The following CHIC1 variants were observed in gnomAD, a reference collection of about 807,000 sequenced individuals.
CHIC1 encodes the protein cysteine-rich hydrophobic domain-containing protein 1.
In CHIC1, 7 loss-of-function variants were observed where a neutral mutation model predicts 18.5. The ratio of observed to expected loss-of-function variants is 0.38; its 90% CI spans 0.22 to 0.71. The LOEUF (loss-of-function observed/expected upper bound fraction) is 0.71, where lower values mean the gene tolerates loss of function less well. Ranked by LOEUF, CHIC1 falls within the 30% of genes least tolerant of loss-of-function variation. The probability of loss-of-function intolerance (pLI) is 0.49; values close to 1 mark genes in which losing one functional copy is unlikely to be tolerated. For missense variants in CHIC1, 159 were observed against 176.9 expected (o/e 0.90, Z 0.57); for synonymous variants, 77 against 73.5 (o/e 1.05, Z -0.25).
rs1603338868 is a variant in CHIC1 at position 73,563,406 on chromosome X, C to A, written c.122C>A (p.Pro41His). ...TCGTCGTCGTCGTCGGTATCTGGGC[C>A]CGACGATGACGAGGAGGATGAGGAG... ...SPSSSSSVSGPDDDEEDEEEE... is the reference protein window; with the variant it reads ...SPSSSSSVSGHDDDEEDEEEE... Residue 41 changes from proline (P) to histidine (H), a missense_variant, in exon 1 of 6, where the codon CCC becomes CAC. Pro to His is a moderately conservative substitution (Grantham distance 77). Transcript: ENST00000373502. 1 of 1,156,457 alleles carries A rather than the reference C, an allele frequency of 8.6e-7. No homozygotes were observed. Among genetic ancestry groups the A allele is most frequent in the Middle Eastern group, 2.4e-4 (1 of 4,236 alleles).
chrX:73,572,511 T>G (rs767083026), intron 1 of CHIC1, among the ~76,000 whole-genome samples: 12 of 111,560 alleles, frequency 1.1e-4, no homozygotes, highest in Non-Finnish European at 2.1e-4. Context: ...ATTGTAGTTC[T>G]GTTTTTGATT....
At chrX:73,594,999 T>G (rs2057600102) in intron 3 of CHIC1, among the ~76,000 whole-genome samples, 1 of 111,693 alleles carries the variant, frequency 9.0e-6, no homozygotes, top group Non-Finnish European at 1.9e-5. Context: ...TCCACTTATT[T>G]ATTGATGGAC....
intron 3 of CHIC1, among the ~76,000 whole-genome samples, chrX:73,657,221 G>A (rs994139529): frequency 1.8e-5 from 2 of 109,213 alleles, no homozygotes; most frequent in Admixed American, 9.8e-5. Flanking sequence ...CACCATGCCC[G>A]GCTACTTTTT....
chrX:73,604,237 AG>A (rs1327242087), intron 3 of CHIC1, among the ~76,000 whole-genome samples: 1 of 103,353 alleles, frequency 9.7e-6, no homozygotes, highest in Non-Finnish European at 1.9e-5. Context: ...TCTTGGGGGC[AG>A]GGGGTGTATG....
At position 73,563,257 on chromosome X, in the gene CHIC1, A is replaced by G; in HGVS notation, c.-28A>G. On this transcript the variant is annotated 5_prime_UTR_variant, in exon 1 of 6. Coordinates refer to ENST00000373502, the MANE Select transcript of CHIC1 (RefSeq NM_001039840.4). Reference sequence around the variant, plus strand: ...CGGCAGGTTCAAACTCTTCTCCGGGAGCGTGGCGGCGATCGCGAGGTCACG... The same window carrying G: ...CGGCAGGTTCAAACTCTTCTCCGGGGGCGTGGCGGCGATCGCGAGGTCACG... The G allele has an allele frequency of 9.2e-7, 1 of 1,086,555 alleles. No homozygotes were observed. Among genetic ancestry groups the G allele is most frequent in the South Asian group, 2.5e-5 (1 of 40,524 alleles). 89.5% of individuals were successfully genotyped at this position (1,086,555 alleles called of 1,213,427 possible).
At chrX:73,667,111 C>T (rs1480776023) in intron 3 of CHIC1, among the ~76,000 whole-genome samples, 1 of 111,964 alleles carries the variant, frequency 8.9e-6, no homozygotes, top group African/African-American at 3.3e-5. Flanking sequence ...TAATGCCCTC[C>T]TTTGTCTTTT....
At chrX:73,655,890 C>G (rs149087793) in intron 3 of CHIC1, among the ~76,000 whole-genome samples, 17,456 of 110,085 alleles carry the variant, frequency 0.16, 1,131 homozygotes, top group African/African-American at 0.2. Context: ...TTGCCACACT[C>G]TCTTCCATAA....
At chrX:73,678,594 G>C (rs1324114809) in intron 3 of CHIC1, among the ~76,000 whole-genome samples, 1 of 112,290 alleles carries the variant, frequency 8.9e-6, no homozygotes, top group African/African-American at 3.2e-5. Context: ...TGTTGGCAAT[G>C]TCCATGATGG....
intron 3 of CHIC1, among the ~76,000 whole-genome samples, chrX:73,642,307 T>C (rs2057861227): frequency 9.0e-6 from 1 of 111,597 alleles, no homozygotes; most frequent in South Asian, 3.8e-4. Context: ...TTTGGCTGCA[T>C]AAATGTCTTC....
rs192257924 is a variant in CHIC1 at position 73,615,876 on chromosome X, C to T, written c.507+31304C>T. On this transcript the variant is annotated intron_variant, in intron 3 of 5. Transcript: ENST00000373502. ...TGGCTATATGCAGGTGGCTAGGGGGCATGTGTTTTGCTTGTGCTTTGGCCC... is the reference window on the plus strand; with the variant it reads ...TGGCTATATGCAGGTGGCTAGGGGGTATGTGTTTTGCTTGTGCTTTGGCCC... Among the ~76,000 whole-genome samples the T allele has an allele frequency of 3.7e-3, 406 of 110,850 alleles. 2 individuals carry two copies. Among genetic ancestry groups the T allele is most frequent in the African/African-American group, 0.013 (388 of 30,450 alleles).
chrX:73,577,521 T>C, intron 2 of CHIC1, 60 bp downstream of exon 2: 1 of 858,275 alleles, frequency 1.2e-6, no homozygotes, highest in Non-Finnish European at 1.7e-6. Flanking sequence ...GGCTTACTCA[T>C]TGTTATGACA....
intron 3 of CHIC1, among the ~76,000 whole-genome samples, chrX:73,589,574 G>T (rs1335318503): frequency 9.0e-6 from 1 of 110,551 alleles, no homozygotes; most frequent in African/African-American, 3.3e-5. Context: ...GTTATATATT[G>T]TGTGTCCATT....
intron 3 of CHIC1, among the ~76,000 whole-genome samples, chrX:73,645,062 G>A (rs1268441653): frequency 5.3e-5 from 6 of 112,157 alleles, no homozygotes; most frequent in Admixed American, 1.9e-4. Flanking sequence ...CTTCTGCGTC[G>A]CTCACGCTGG....
chrX:73,680,123 T>C (rs2058090931), intron 5 of CHIC1, among the ~76,000 whole-genome samples: 1 of 107,615 alleles, frequency 9.3e-6, no homozygotes, highest in African/African-American at 3.4e-5. Context: ...TTGGCTGACA[T>C]TTAACTTTTA....
intron 3 of CHIC1, among the ~76,000 whole-genome samples, chrX:73,635,823 T>C (rs934534566): frequency 1.8e-5 from 2 of 111,842 alleles, no homozygotes; most frequent in African/African-American, 6.5e-5. Flanking sequence ...TCCTGGAGGA[T>C]GTTTCTTGTA....
chrX:73,584,865 G>A (rs1294663790), intron 3 of CHIC1, among the ~76,000 whole-genome samples: 1 of 111,071 alleles, frequency 9.0e-6, no homozygotes, highest in Non-Finnish European at 1.9e-5. Flanking sequence ...TAAAATACCT[G>A]ATGCTGTGCC....
chrX:73,607,804 C>G (rs1395090812), intron 3 of CHIC1, among the ~76,000 whole-genome samples: 1 of 107,873 alleles, frequency 9.3e-6, no homozygotes, highest in Non-Finnish European at 1.9e-5. Flanking sequence ...TCTGCTCGCC[C>G]TCTGTGGGCT....
intron 1 of CHIC1, among the ~76,000 whole-genome samples, chrX:73,568,384 A>G (rs1569499448): frequency 8.9e-6 from 1 of 111,902 alleles, no homozygotes; most frequent in Non-Finnish European, 1.9e-5. Flanking sequence ...TTCTGAGATG[A>G]TGATCATAAA....
chrX:73,669,503 C>A (rs1237209566), intron 3 of CHIC1, among the ~76,000 whole-genome samples: 1 of 104,798 alleles, frequency 9.5e-6, no homozygotes, highest in East Asian at 3.3e-4. Flanking sequence ...CCACCCCCTG[C>A]CCACCCCCCA....
Sources: allele counts gnomAD v4.1 joint callset (sites outside exome capture counted in the v4.1 genomes callset), GRCh38; gene constraint gnomAD v4.1.1; transcripts MANE v1.5; gene names NCBI Gene and HGNC (gene_info 2026-07-23, HGNC 2026-07-21).